MAP2K5: variants seen among roughly 807,000 people sequenced by gnomAD.
MAP2K5 encodes mitogen-activated protein kinase kinase 5.
MAP2K5 carries 49 observed loss-of-function variants against 83.1 expected under a neutral mutation model. That is an observed-to-expected ratio of 0.59 (90% CI 0.47 to 0.75). The LOEUF (loss-of-function observed/expected upper bound fraction) is 0.75, where lower values mean the gene tolerates loss of function less well. Among genes scored for constraint, MAP2K5 ranks in the 30% least tolerant of loss-of-function variants. MAP2K5 has a pLI of 0.00. For synonymous variants in MAP2K5, 202 were observed against 191.8 expected (o/e 1.05, Z -0.44); for missense variants, 457 against 557.5 (o/e 0.82, Z 1.82).
intron 1 of MAP2K5, chr15:67,546,106 C>A (rs1398827303): frequency 6.6e-6 from 1 of 152,288 alleles, no homozygotes; most frequent in Non-Finnish European, 1.5e-5. Context: ...GTGTTCAGTG[C>A]TATCTCCTAG....
At position 67,779,030 on chromosome 15, in the gene MAP2K5, C is replaced by T. The variant is rs533070179; in HGVS notation, c.1242+6278C>T. On this transcript the variant is annotated intron_variant, in intron 21 of 21. Transcript: ENST00000178640. This position sits in a 1 kb window ranked among gnomAD's most constrained non-coding sequence, Gnocchi z 4.6. Reference sequence around the variant, plus strand: ...CTCCTAATGTGTCTGGCCACTCATTCTTGTAAACATCATTTTGTTTTCAGT... The same window carrying T: ...CTCCTAATGTGTCTGGCCACTCATTTTTGTAAACATCATTTTGTTTTCAGT... 2.0e-5 allele frequency among the ~76,000 whole-genome samples: 3 copies of T among 152,312 alleles called. No individual in the cohort carries two copies. Among genetic ancestry groups the T allele is most frequent in the Non-Finnish European group, 2.9e-5 (2 of 68,016 alleles).
At chr15:67,571,629 G>A (rs1422054573) in intron 3 of MAP2K5, among the ~76,000 whole-genome samples, 2 of 151,882 alleles carry the variant, frequency 1.3e-5, no homozygotes, top group South Asian at 4.2e-4. Flanking sequence ...TTTTAAGAAG[G>A]TTTCCCATAT....
In MAP2K5 at chr15:67,565,510, G is replaced by T. The variant is rs1402153795; in HGVS notation, c.252+2160G>T. Among the ~76,000 whole-genome samples the T allele has an allele frequency of 6.6e-6, 1 of 152,206 alleles. No individual in the cohort carries two copies. Among genetic ancestry groups the T allele is most frequent in the East Asian group, 1.9e-4 (1 of 5,196 alleles). The stretch of plus-strand genomic sequence containing the variant: ...CCCAAAGTGCTGGGATTACAGGCAT[G>T]AGCCACTGTGCCCGGCCTGTCATCA... On this transcript the variant is annotated intron_variant, in intron 3 of 21. Transcript: ENST00000178640. This position sits in a 1 kb window ranked among gnomAD's most constrained non-coding sequence, Gnocchi z 4.1.
intron 13 of MAP2K5, among the ~76,000 whole-genome samples, chr15:67,678,005 C>A (rs1235309606): frequency 1.3e-5 from 2 of 152,150 alleles, no homozygotes; most frequent in African/African-American, 4.8e-5. Context: ...CCTACCCTTT[C>A]TTATGTGATG....
intron 17 of MAP2K5, among the ~76,000 whole-genome samples, chr15:67,728,629 C>T (rs185960941): frequency 6.6e-6 from 1 of 152,280 alleles, no homozygotes; most frequent in Non-Finnish European, 1.5e-5. Context: ...AATGGTTTGA[C>T]TGTTTTCCTC....
chr15:67,551,482 A>C (rs1237795068), intron 2 of MAP2K5, among the ~76,000 whole-genome samples: 1 of 152,074 alleles, frequency 6.6e-6, no homozygotes, highest in Non-Finnish European at 1.5e-5. Context: ...ACACGCATGC[A>C]CCACTATGCT....
chr15:67,728,937 A>G (rs1354692850), intron 17 of MAP2K5, among the ~76,000 whole-genome samples: 3 of 152,226 alleles, frequency 2.0e-5, no homozygotes, highest in Non-Finnish European at 4.4e-5. Context: ...CCTTTACTCA[A>G]TGAAATGTCT....
intron 21 of MAP2K5, among the ~76,000 whole-genome samples, chr15:67,784,696 T>C (rs1284713994): frequency 6.6e-6 from 1 of 152,220 alleles, no homozygotes; most frequent in East Asian, 1.9e-4. Context: ...AGAATTTATG[T>C]AATCATTGTT....
intron 15 of MAP2K5, among the ~76,000 whole-genome samples, chr15:67,699,944 C>T (rs2088372197): frequency 1.4e-5 from 2 of 147,326 alleles, no homozygotes; most frequent in Non-Finnish European, 3.0e-5. Flanking sequence ...AGTGTTCTGT[C>T]TGCCTACACA....
At chr15:67,727,548 G>A (rs564923505) in intron 16 of MAP2K5, among the ~76,000 whole-genome samples, 3 of 152,266 alleles carry the variant, frequency 2.0e-5, no homozygotes, top group Admixed American at 2.0e-4. Context: ...GTAACAATTA[G>A]ATGTTCCCAT....
intron 21 of MAP2K5, among the ~76,000 whole-genome samples, chr15:67,797,408 G>C (rs1001419356): frequency 6.6e-6 from 1 of 152,130 alleles, no homozygotes; most frequent in Non-Finnish European, 1.5e-5. Context: ...TTCTAGGATT[G>C]GCTTCCCTTT....
At chr15:67,692,286 G>T (rs139325807) in intron 13 of MAP2K5, among the ~76,000 whole-genome samples, 193 bp from the exon 14 acceptor site, 1 of 152,134 alleles carries the variant, frequency 6.6e-6, no homozygotes, top group African/African-American at 2.4e-5. Context: ...ATCGTTGAAC[G>T]TGGAGGAGTT....
At chr15:67,658,677 C>CTAATCAAG in intron 12 of MAP2K5, 63 bp downstream of exon 12, 1 of 1,320,170 alleles carries the variant, frequency 7.6e-7, no homozygotes, top group Non-Finnish European at 1.1e-6. Flanking sequence ...CAAGCTCATT[C>CTAATCAAG]TTCTTATATT....
intron 17 of MAP2K5, among the ~76,000 whole-genome samples, chr15:67,743,957 A>T (rs974862700): frequency 6.6e-6 from 1 of 152,158 alleles, no homozygotes; most frequent in African/African-American, 2.4e-5. Flanking sequence ...TCCAAAGTTC[A>T]TGCGTTTTCC....
chr15:67,586,522 C>G (rs2085294777), intron 5 of MAP2K5, among the ~76,000 whole-genome samples: 1 of 152,000 alleles, frequency 6.6e-6, no homozygotes, highest in African/African-American at 2.4e-5. Context: ...ACTACTAACC[C>G]CTGGGTATAT....
intron 13 of MAP2K5, among the ~76,000 whole-genome samples, chr15:67,667,646 C>T (rs1397522489): frequency 6.6e-6 from 1 of 151,350 alleles, no homozygotes; most frequent in East Asian, 1.9e-4. Context: ...TTCTTAAAAA[C>T]CAGAGTAAAA....
At chr15:67,745,854 G>A (rs2089594821) in intron 17 of MAP2K5, among the ~76,000 whole-genome samples, 1 of 152,172 alleles carries the variant, frequency 6.6e-6, no homozygotes, top group African/African-American at 2.4e-5. Flanking sequence ...CTGTTAAAAA[G>A]TAATTGAGTA....
intron 5 of MAP2K5, among the ~76,000 whole-genome samples, chr15:67,586,137 T>A (rs2085284069): frequency 1.3e-5 from 2 of 152,214 alleles, no homozygotes; most frequent in Non-Finnish European, 1.5e-5. Context: ...GGTACTGTAT[T>A]TTCAATTATT....
rs931985795 is a variant in MAP2K5 at position 67,660,100 on chromosome 15, C to G, written c.798+1486C>G. ...TTTTTTTTAATTAGGGGTTTTCCCC[C>G]CTAAATATGTGTCCAATTTTTCCAG... is the stretch of plus-strand genomic sequence containing the variant. On this transcript the variant is annotated intron_variant, in intron 12 of 21. Transcript: ENST00000178640. Among the ~76,000 whole-genome samples the G allele has an allele frequency of 2.6e-5, 4 of 151,988 alleles. No homozygotes were observed. In the East Asian group the frequency reaches 7.7e-4, roughly 29 times the overall value.
Sources: allele counts gnomAD v4.1 joint callset (sites outside exome capture counted in the v4.1 genomes callset), GRCh38; gene constraint gnomAD v4.1.1; non-coding constraint Gnocchi (gnomAD v3.1); transcripts MANE v1.5; gene names NCBI Gene and HGNC (gene_info 2026-07-23, HGNC 2026-07-21).